The following UBE3C variants were observed in gnomAD, a reference collection of about 807,000 sequenced individuals.
The protein encoded by UBE3C is ubiquitin-protein ligase E3C.
UBE3C carries 42 observed loss-of-function variants against 129.4 expected under a neutral mutation model. That is an observed-to-expected ratio of 0.32 (90% CI 0.25 to 0.42). The LOEUF (loss-of-function observed/expected upper bound fraction) is 0.42. Among genes scored for constraint, UBE3C ranks in the 10% least tolerant of loss-of-function variants. The pLI is 1.00. For synonymous variants in UBE3C, 510 were observed against 492.4 expected, an observed-to-expected ratio of 1.04 and a Z score of -0.47; for missense variants, 1,049 against 1,319.1, an observed-to-expected ratio of 0.80 and a Z score of 3.17.
At chr7:157,266,272 C>G (rs1344633295) in intron 22 of UBE3C, among the ~76,000 whole-genome samples, 1 of 152,176 alleles carries the variant, frequency 6.6e-6, no homozygotes, top group Non-Finnish European at 1.5e-5. Flanking sequence ...CGAGATTGCA[C>G]CACTGCACTC....
At chr7:157,155,246 T>A (rs1807870566) in intron 1 of UBE3C, among the ~76,000 whole-genome samples, 4 of 152,064 alleles carry the variant, frequency 2.6e-5, no homozygotes, top group Non-Finnish European at 5.9e-5. Context: ...ACTTTTAACA[T>A]TTTCCTTTAC....
At chr7:157,215,349 G>A (rs1586694646) in intron 13 of UBE3C, among the ~76,000 whole-genome samples, 2 of 151,870 alleles carry the variant, frequency 1.3e-5, no homozygotes, top group African/African-American at 2.4e-5. Flanking sequence ...CATAAAATAA[G>A]CATTTGTATT....
chr7:157,169,357 G>A (rs560812095), intron 3 of UBE3C, among the ~76,000 whole-genome samples: 7 of 150,986 alleles, frequency 4.6e-5, no homozygotes, highest in African/African-American at 1.7e-4. Context: ...AAAATAGAAG[G>A]AAGTCATGAG....
chr7:157,170,271 T>A (rs369247139), intron 3 of UBE3C, 33 bp from the exon 4 acceptor site: 6 of 1,441,896 alleles, frequency 4.2e-6, no homozygotes, highest in Non-Finnish European at 5.5e-6. Flanking sequence ...AAATACTATA[T>A]TTATGGGTCA....
Position 157,170,413 on chromosome 7 carries a change from T to C in UBE3C, c.305T>C (p.Leu102Pro). 1 of 1,567,646 alleles carries C rather than the reference T, an allele frequency of 6.4e-7. No individual in the cohort carries two copies. Among genetic ancestry groups the C allele is most frequent in the Non-Finnish European group, 8.6e-7 (1 of 1,160,136 alleles). The change falls in exon 4 of 23, where the codon CTG becomes CCG. Residue 102 changes from leucine (L) to proline (P), a missense_variant. Physicochemically the swap from Leu to Pro is moderately conservative, Grantham distance 98 (BLOSUM62 -3). Coordinates refer to ENST00000348165, the MANE Select transcript of UBE3C (RefSeq NM_014671.3). ...CTTACCCTTTTGGTAAGGCAGCTTC[T>C]GTTTTTTTACAAACAAAATGAAGAC... Reference protein sequence around the residue: ...PNLTLLVRQLLFFYKQNEDSK... With the variant: ...PNLTLLVRQLPFFYKQNEDSK...
chr7:157,195,035 AGCC>A (rs1395105027), intron 10 of UBE3C, among the ~76,000 whole-genome samples: 2 of 152,252 alleles, frequency 1.3e-5, no homozygotes, highest in African/African-American at 2.4e-5. Flanking sequence ...CTGTCAGGAC[AGCC>A]TTCTCTAGAG....
At chr7:157,261,328 AAAAAAAAAAAAT>A in intron 22 of UBE3C, among the ~76,000 whole-genome samples, 1 of 136,512 alleles carries the variant, frequency 7.3e-6, no homozygotes, top group African/African-American at 2.8e-5. Flanking sequence ...AAAAAAAAAA[AAAAAAAAAAAAT>A]CCCAAATAGA....
At chr7:157,156,463 C>A (rs1807909139) in intron 1 of UBE3C, among the ~76,000 whole-genome samples, 1 of 151,528 alleles carries the variant, frequency 6.6e-6, no homozygotes, top group South Asian at 2.1e-4. Context: ...CATGTCACCA[C>A]CCCCGGCTAA....
intron 14 of UBE3C, among the ~76,000 whole-genome samples, chr7:157,219,118 G>A (rs1795665053): frequency 6.6e-6 from 1 of 152,138 alleles, no homozygotes; most frequent in Non-Finnish European, 1.5e-5. Context: ...TGACCAGGGC[G>A]GTGCCACTCC....
At chr7:157,140,242 C>G (rs1158268592) in intron 1 of UBE3C, among the ~76,000 whole-genome samples, 1 of 143,338 alleles carries the variant, frequency 7.0e-6, no homozygotes, top group African/African-American at 2.6e-5. Context: ...TCAGTATATT[C>G]TGTATATCAC....
chr7:157,162,445 G>A (rs1219035986), intron 1 of UBE3C, among the ~76,000 whole-genome samples: 5 of 152,144 alleles, frequency 3.3e-5, no homozygotes, highest in Admixed American at 6.5e-5. Flanking sequence ...TGCCCGCCTC[G>A]GCCTCCCAAA....
intron 18 of UBE3C, among the ~76,000 whole-genome samples, chr7:157,246,749 C>G (rs955098315): frequency 6.6e-6 from 1 of 152,176 alleles, no homozygotes; most frequent in Non-Finnish European, 1.5e-5. Context: ...GTAGGAAGGC[C>G]CGTGACTGCC....
intron 22 of UBE3C, among the ~76,000 whole-genome samples, chr7:157,261,306 GAAAAAAAAAAAAAA>G (rs57114090): frequency 0.011 from 851 of 78,042 alleles, 5 homozygotes; most frequent in Middle Eastern, 0.027. Flanking sequence ...AACTCTGTCT[GAAAAAAAAAAAAAA>G]AAAAAAAAAA....
intron 18 of UBE3C, among the ~76,000 whole-genome samples, chr7:157,241,209 G>A (rs1796310344): frequency 6.6e-6 from 1 of 152,200 alleles, no homozygotes; most frequent in Admixed American, 6.5e-5. Flanking sequence ...ACTGCTGAGT[G>A]TCGCAGCATA....
intron 4 of UBE3C, among the ~76,000 whole-genome samples, 158 bp from the exon 5 acceptor site, chr7:157,174,761 C>G (rs1808469951): frequency 6.6e-6 from 1 of 152,152 alleles, no homozygotes; most frequent in South Asian, 2.1e-4. Context: ...GCACATACCT[C>G]TAAATAAAAC....
intron 11 of UBE3C, among the ~76,000 whole-genome samples, chr7:157,202,833 C>T (rs900803099): frequency 1.3e-5 from 2 of 152,046 alleles, no homozygotes; most frequent in Non-Finnish European, 2.9e-5. Flanking sequence ...CCAGCTCATT[C>T]GGTGGTGGGA....
intron 18 of UBE3C, among the ~76,000 whole-genome samples, chr7:157,236,726 A>ACTCTTTTTTTTTT (rs1796161282): frequency 6.7e-6 from 1 of 149,110 alleles, no homozygotes; most frequent in African/African-American, 2.5e-5. Flanking sequence ...TGAACCCTAA[A>ACTCTTTTTTTTTT]CTCTTTTTTT....
intron 10 of UBE3C, among the ~76,000 whole-genome samples, chr7:157,194,449 G>A (rs1384809804): frequency 2.6e-5 from 4 of 152,102 alleles, no homozygotes; most frequent in African/African-American, 9.7e-5. Context: ...CAGAGAAGTA[G>A]GCATAAAAGA....
intron 1 of UBE3C, among the ~76,000 whole-genome samples, chr7:157,162,500 A>AT (rs912345957): frequency 3.8e-4 from 53 of 137,776 alleles, no homozygotes; most frequent in Admixed American, 1.7e-3. Context: ...GCCTAAATTT[A>AT]TTTTTTTGTA....
Sources: gnomAD v4.1 joint callset for allele counts (sites outside exome capture counted in the v4.1 genomes callset) on GRCh38, gnomAD v4.1.1 for gene constraint, MANE v1.5 for transcripts, NCBI Gene and HGNC (gene_info 2026-07-23, HGNC 2026-07-21) for gene names.